Variants in ZNF667 observed in about 807,000 individuals in gnomAD.
ZNF667 encodes the protein myocardial ischemic preconditioning upregulated 1 ortholog.
ZNF667 carries 13 observed loss-of-function variants against 31.8 expected under a neutral mutation model. That is an observed-to-expected ratio of 0.41 (90% CI 0.27 to 0.65). ZNF667 has a LOEUF of 0.65. Ranked by LOEUF, ZNF667 falls within the 30% of genes least tolerant of loss-of-function variation. The pLI, the probability that ZNF667 is intolerant of heterozygous loss-of-function variation, is 0.32. For synonymous variants in ZNF667, 228 were observed against 247.1 expected (o/e 0.92, Z 0.73); for missense variants, 642 against 725.6 (o/e 0.88, Z 1.32).
intron 6 of ZNF667, among the ~76,000 whole-genome samples, chr19:56,455,956 T>G (rs2042923464): frequency 6.6e-6 from 1 of 152,188 alleles, no homozygotes; most frequent in African/African-American, 2.4e-5. Context: ...CTGCCAAGGC[T>G]TCAAACCTTC....
Position 56,440,889 on chromosome 19 carries a change from C to G in ZNF667, c.*273G>C. 1 of 1,201,706 alleles carries G rather than the reference C, an allele frequency of 8.3e-7. No homozygotes were observed. Among genetic ancestry groups the G allele is most frequent in the South Asian group, 2.5e-5 (1 of 39,224 alleles). The allele number at this position is 1,201,706 out of a possible 1,614,324, so 74.4% of individuals were successfully genotyped here. Reference sequence around the variant, plus strand: ...CCGCCTGTCTCAGCCTCCCAAAGTGCTGGGGTTACAGGTGTAAGCCACTGC... The same window carrying G: ...CCGCCTGTCTCAGCCTCCCAAAGTGGTGGGGTTACAGGTGTAAGCCACTGC... On this transcript the variant is annotated 3_prime_UTR_variant, in exon 7 of 7. Coordinates refer to ENST00000504904, the MANE Select transcript of ZNF667 (RefSeq NM_001321356.2).
At chr19:56,470,167 A>G (rs1019687256) in intron 3 of ZNF667, 66 of 390,168 alleles carry the variant, frequency 1.7e-4, no homozygotes, top group Admixed American at 1.0e-3. Context: ...AGATGAGATC[A>G]TATCAGTCAG....
chr19:56,465,919 G>T (rs574200896), intron 3 of ZNF667, among the ~76,000 whole-genome samples: 2 of 152,326 alleles, frequency 1.3e-5, no homozygotes, highest in East Asian at 3.9e-4. Flanking sequence ...GTGGTGCAGG[G>T]AGCATACAAT....
intron 3 of ZNF667, among the ~76,000 whole-genome samples, chr19:56,470,817 G>A (rs1193256101): frequency 2.0e-5 from 3 of 152,160 alleles, no homozygotes; most frequent in African/African-American, 4.8e-5. Context: ...CAGAGATGGG[G>A]ACCAAGAGGC....
At chr19:56,461,610 C>T (rs1175185626) in intron 4 of ZNF667, among the ~76,000 whole-genome samples, 6 of 150,018 alleles carry the variant, frequency 4.0e-5, no homozygotes, top group Admixed American at 4.0e-4. Context: ...CACAAAACTG[C>T]ATGATAATAA....
At chr19:56,473,460 A>G (rs190186496) in intron 2 of ZNF667, among the ~76,000 whole-genome samples, 2 of 152,366 alleles carry the variant, frequency 1.3e-5, no homozygotes, top group East Asian at 1.9e-4. Flanking sequence ...CATCAATAGG[A>G]GAATGGCTAA....
chr19:56,450,279 T>C lies in ZNF667; in HGVS notation c.254-7538A>G, dbSNP rs1381162150. Among the ~76,000 whole-genome samples, 5 of 152,248 alleles carry C rather than the reference T, an allele frequency of 3.3e-5. No homozygotes were observed. In the East Asian group the frequency reaches 9.6e-4, roughly 29 times the overall value. ...ATACATCTGGCAGCAGATTGCTCAG[T>C]GGAAACCTTATAGGCCAGGAGAGAG... On this transcript the variant is annotated intron_variant, in intron 6 of 6. Coordinates refer to ENST00000504904, the MANE Select transcript of ZNF667 (RefSeq NM_001321356.2).
intron 2 of ZNF667, chr19:56,472,722 C>G (rs1351840825): frequency 6.6e-6 from 1 of 152,188 alleles, no homozygotes; most frequent in East Asian, 1.9e-4. Context: ...ATGTAACACA[C>G]AAAATATGTG....
intron 6 of ZNF667, chr19:56,444,393 C>A (rs557942926): frequency 1.2e-3 from 482 of 395,100 alleles, no homozygotes; most frequent in Non-Finnish European, 1.9e-3. Flanking sequence ...GTAAGAATCA[C>A]TCCCTATTGC....
intron 6 of ZNF667, among the ~76,000 whole-genome samples, chr19:56,450,060 C>T (rs1303533394): frequency 3.3e-5 from 5 of 151,340 alleles, no homozygotes; most frequent in South Asian, 2.1e-4. Context: ...AAGTGTATTC[C>T]GAGATAGTAA....
At chr19:56,445,931 G>T (rs997889170) in intron 6 of ZNF667, among the ~76,000 whole-genome samples, 6 of 137,570 alleles carry the variant, frequency 4.4e-5, no homozygotes, top group Non-Finnish European at 7.7e-5. Context: ...ATTTCAACAT[G>T]AGATTTGGTG....
chr19:56,469,234 G>A (rs765192653), intron 3 of ZNF667, among the ~76,000 whole-genome samples: 5 of 152,160 alleles, frequency 3.3e-5, no homozygotes, highest in Admixed American at 6.5e-5. Flanking sequence ...TCTTGCACAC[G>A]TGCACACACA....
intron 1 of ZNF667, chr19:56,475,601 T>TA (rs1358952923): frequency 1.3e-5 from 2 of 152,134 alleles, no homozygotes; most frequent in East Asian, 3.9e-4. Flanking sequence ...CAACATCCTA[T>TA]AATACATAGA....
At chr19:56,448,081 G>A (rs1181395444) in intron 6 of ZNF667, among the ~76,000 whole-genome samples, 1 of 152,096 alleles carries the variant, frequency 6.6e-6, no homozygotes, top group East Asian at 1.9e-4. Context: ...AGGCACTGAG[G>A]AGGGTAGAAA....
chr19:56,452,694 C>A (rs1226300388), intron 6 of ZNF667, among the ~76,000 whole-genome samples: 1 of 151,946 alleles, frequency 6.6e-6, no homozygotes, highest in Non-Finnish European at 1.5e-5. Flanking sequence ...CCAAGGTGGG[C>A]GGATCACCTG....
chr19:56,452,910 C>A (rs1236320549), intron 6 of ZNF667, among the ~76,000 whole-genome samples: 1 of 149,066 alleles, frequency 6.7e-6, no homozygotes, highest in Non-Finnish European at 1.5e-5. Flanking sequence ...CAGAGCAAGA[C>A]TCTGTCTCAA....
At chr19:56,474,784 G>C (rs1435764841) in intron 1 of ZNF667, 1 of 152,218 alleles carries the variant, frequency 6.6e-6, no homozygotes, top group Non-Finnish European at 1.5e-5. Flanking sequence ...CACTATGCCA[G>C]ACCAATTAAA....
chr19:56,448,376 G>A (rs1303836447), intron 6 of ZNF667, among the ~76,000 whole-genome samples: 2 of 152,160 alleles, frequency 1.3e-5, no homozygotes, highest in Non-Finnish European at 2.9e-5. Flanking sequence ...ACACTCTGGT[G>A]TCCTAAGTAA....
At chr19:56,477,444 C>G (rs552733899), upstream of ZNF667, 1 of 152,312 alleles carries the variant, frequency 6.6e-6, no homozygotes, top group African/African-American at 2.4e-5. Flanking sequence ...ACGCGGCGTG[C>G]GCTCACCCGC....
Sources: allele counts gnomAD v4.1 joint callset (sites outside exome capture counted in the v4.1 genomes callset), GRCh38; gene constraint gnomAD v4.1.1; transcripts MANE v1.5; gene names NCBI Gene and HGNC (gene_info 2026-07-23, HGNC 2026-07-21).